The following CFAP54 variants were observed in gnomAD, a reference collection of about 807,000 sequenced individuals.
The protein encoded by CFAP54 is cilia and flagella associated protein 54.
In CFAP54, 290 loss-of-function variants were observed where a neutral mutation model predicts 370.4. The observed-to-expected ratio is 0.78, with a 90% CI of 0.71 to 0.86. CFAP54 has a LOEUF of 0.86. Among genes scored for constraint, CFAP54 ranks in the 40% least tolerant of loss-of-function variants. The pLI, the probability that CFAP54 is intolerant of heterozygous loss-of-function variation, is 0.00. For missense variants in CFAP54, 3,399 were observed against 3,528.7 expected (o/e 0.96, Z 0.93); for synonymous variants, 1,206 against 1,236.5 (o/e 0.98, Z 0.52).
chr12:96,795,266 G>A (rs912092881), intron 63 of CFAP54, among the ~76,000 whole-genome samples: 1 of 152,112 alleles, frequency 6.6e-6, no homozygotes, highest in African/African-American at 2.4e-5. Context: ...TGATAGTATA[G>A]GTAAGACACA....
intron 5 of CFAP54, among the ~76,000 whole-genome samples, chr12:96,516,150 C>T (rs955254004): frequency 4.6e-5 from 7 of 151,822 alleles, no homozygotes; most frequent in African/African-American, 1.5e-4. Context: ...CTCCTGACCT[C>T]GTGATCCACC....
chr12:96,776,865 A>G (rs535889095), intron 60 of CFAP54, among the ~76,000 whole-genome samples: 60 of 152,380 alleles, frequency 3.9e-4, no homozygotes, highest in Non-Finnish European at 6.9e-4. Flanking sequence ...CTAAACATGT[A>G]TACATTTTAT....
intron 4 of CFAP54, among the ~76,000 whole-genome samples, chr12:96,512,227 T>C (rs1955177020): frequency 6.7e-6 from 1 of 149,924 alleles, no homozygotes; most frequent in Non-Finnish European, 1.5e-5. Context: ...CCATGCTGAT[T>C]AAATATGTAT....
At position 96,489,781 on chromosome 12, in the gene CFAP54, C is replaced by T; in HGVS notation, c.172C>T (p.Leu58=). The T allele has an allele frequency of 6.5e-7, 1 of 1,536,162 alleles. No homozygotes were observed. The highest frequency in any genetic ancestry group is 8.7e-7 in the Non-Finnish European group (1 of 1,146,920). Residue 58 remains leucine, a synonymous_variant, in exon 1 of 68, where the codon CTA becomes TTA. Transcript: ENST00000524981. ...QWTCPEDSLP[L]AVFYGPLDAK... ...GACCTGCCCCGAGGACTCATTGCCC[C>T]TAGCCGTGTTTTATGGGCCGCTGGA...
At chr12:96,504,892 CT>C (rs1001393606) in intron 3 of CFAP54, among the ~76,000 whole-genome samples, 20 of 152,158 alleles carry the variant, frequency 1.3e-4, no homozygotes, top group African/African-American at 4.8e-4. Context: ...CCCCTACCTT[CT>C]GCTTTTTGCT....
At chr12:96,515,646 A>G (rs1331475186) in intron 5 of CFAP54, among the ~76,000 whole-genome samples, 1 of 152,138 alleles carries the variant, frequency 6.6e-6, no homozygotes, top group Non-Finnish European at 1.5e-5. Flanking sequence ...CCTAAGACGG[A>G]AGGAGAAATA....
Position 96,489,705 on chromosome 12 carries a change from G to C in CFAP54, c.96G>C (p.Ser32=), listed in dbSNP as rs1392952370. The part of the protein sequence containing the change: ...PELPPTSTAT[S]RSPPESKGSS... ...TGCCGCCGACCTCCACCGCGACTTC[G>C]AGGTCGCCCCCAGAGTCGAAGGGGA... Residue 32 remains serine (S), a synonymous_variant, in exon 1 of 68, where the codon TCG becomes TCC. Coordinates refer to ENST00000524981, the MANE Select transcript of CFAP54 (RefSeq NM_001306084.2). 1 of 1,535,996 alleles carries C rather than the reference G, an allele frequency of 6.5e-7. No individual in the cohort carries two copies. The highest frequency in any genetic ancestry group is 1.4e-5 in the African/African-American group (1 of 73,150).
chr12:96,668,142 T>G (rs1274537822), intron 39 of CFAP54, among the ~76,000 whole-genome samples: 1 of 152,236 alleles, frequency 6.6e-6, no homozygotes, highest in Non-Finnish European at 1.5e-5. Context: ...TCTTCATTTC[T>G]TCTGAGCCCT....
chr12:96,614,951 A>T (rs1257449333), intron 26 of CFAP54, among the ~76,000 whole-genome samples: 1 of 152,200 alleles, frequency 6.6e-6, no homozygotes, highest in Non-Finnish European at 1.5e-5. Flanking sequence ...TAATTTATAG[A>T]TTCAATGCCA....
At chr12:96,781,925 G>A (rs1315772575) in intron 60 of CFAP54, among the ~76,000 whole-genome samples, 1 of 152,052 alleles carries the variant, frequency 6.6e-6, no homozygotes, top group Non-Finnish European at 1.5e-5. Context: ...GTCTCTGGGA[G>A]AGGGAATTTT....
At chr12:96,797,266 A>G (rs1289214451) in intron 63 of CFAP54, among the ~76,000 whole-genome samples, 2 of 152,062 alleles carry the variant, frequency 1.3e-5, no homozygotes, top group Non-Finnish European at 2.9e-5. Flanking sequence ...TTGTGTAAGT[A>G]ATCTATTGCT....
intron 42 of CFAP54, 147 bp downstream of exon 42, chr12:96,685,385 C>T (rs1957317111): frequency 1.5e-6 from 1 of 653,378 alleles, no homozygotes; most frequent in South Asian, 2.0e-5. Context: ...AGTTTATTTA[C>T]TTATTTGTGA....
At position 96,500,892 on chromosome 12, in the gene CFAP54, T is replaced by TA; in HGVS notation, c.377dup (p.Tyr126Ter). Residue 126 changes from tyrosine (Y) to a stop codon, truncating the protein, a stop_gained and frameshift_variant, in exon 2 of 68, where the codon TAC (tyrosine) becomes TAAC (stop). Transcript: ENST00000524981. LOFTEE classifies it high-confidence loss of function. ...CGCCCCCAGGCTGCCAGCAGACTATTACAACGAAAAGCTTCTGAAGGTTGG... is the reference window on the plus strand; with the variant it reads ...CGCCCCCAGGCTGCCAGCAGACTATTAACAACGAAAAGCTTCTGAAGGTTGG... ...KYAPRLPADY[Y>*]NEKLLKVGDS... is the part of the protein sequence containing the mutation. The TA allele has an allele frequency of 6.5e-7, 1 of 1,535,900 alleles. No individual in the cohort carries two copies. Among genetic ancestry groups the TA allele is most frequent in the South Asian group, 1.2e-5 (1 of 84,050 alleles).
chr12:96,618,075 T>A (rs1363555352), intron 26 of CFAP54, among the ~76,000 whole-genome samples: 1 of 144,750 alleles, frequency 6.9e-6, no homozygotes, highest in Non-Finnish European at 1.5e-5. Flanking sequence ...AGGGGAGGGG[T>A]GTCTTTTTCA....
intron 22 of CFAP54, among the ~76,000 whole-genome samples, chr12:96,587,762 C>G (rs1425751172): frequency 1.3e-5 from 2 of 152,148 alleles, no homozygotes; most frequent in African/African-American, 4.8e-5. Context: ...CACATTATTG[C>G]TTTCCATGAT....
chr12:96,757,575 C>A lies in CFAP54; in HGVS notation c.8027C>A (p.Pro2676Gln). 1 of 1,578,564 alleles carries A rather than the reference C, an allele frequency of 6.3e-7. No homozygotes were observed. Among genetic ancestry groups the A allele is most frequent in the Non-Finnish European group, 8.7e-7 (1 of 1,153,342 alleles). ...KKPKIKISGS[P>Q]LTLKPPLRRS... ...CCAAAGATAAAAATTTCAGGATCAC[C>A]ATTAACACTTAAGGTAAGAGTCTAT... Residue 2676 changes from proline (P) to glutamine (Q), a missense_variant, in exon 58 of 68, where the codon CCA becomes CAA. This residue lies in a region of CFAP54 where 2,796 missense variants were observed against 2,869.7 expected (regional missense o/e 0.97). Transcript: ENST00000524981.
intron 1 of CFAP54, among the ~76,000 whole-genome samples, chr12:96,495,468 C>A (rs1306298015): frequency 6.8e-6 from 1 of 147,994 alleles, no homozygotes; most frequent in Non-Finnish European, 1.5e-5. Flanking sequence ...GTGCATGTCA[C>A]CACGCCCGGC....
In CFAP54 at chr12:96,720,456, G is replaced by A. The variant is rs1156630217; in HGVS notation, c.6856G>A (p.Val2286Met). ...CAGGCTAAACTTCCTTCTGTCCGAG[G>A]TGGAACAGAAGACCCTGTCTCAGTG... is the stretch of plus-strand genomic sequence containing the variant. ...EDRLNFLLSE[V>M]EQKTLSQCSA... The change falls in exon 50 of 68, where the codon GTG becomes ATG. Residue 2286 changes from valine to methionine, a missense_variant. By Grantham distance (21) the Val-to-Met change is conservative (BLOSUM62 1). Transcript: ENST00000524981. 1.2e-6 allele frequency: 2 copies of A among 1,603,374 alleles called. No individual in the cohort carries two copies. The highest frequency in any genetic ancestry group is 1.7e-6 in the Non-Finnish European group (2 of 1,174,532).
At chr12:96,545,648 C>T (rs948943946) in intron 14 of CFAP54, among the ~76,000 whole-genome samples, 14 of 152,130 alleles carry the variant, frequency 9.2e-5, no homozygotes, top group African/African-American at 1.9e-4. Flanking sequence ...CTCTCAATAC[C>T]GCCACATTGA....
Sources: allele counts gnomAD v4.1 joint callset (sites outside exome capture counted in the v4.1 genomes callset), GRCh38; gene constraint gnomAD v4.1.1; regional missense constraint gnomAD v4.1.1; transcripts MANE v1.5; gene names NCBI Gene and HGNC (gene_info 2026-07-23, HGNC 2026-07-21).